KIF7: variants seen among roughly 807,000 people sequenced by gnomAD.
KIF7 encodes the protein kinesin family member 7, also known as kinesin-like protein KIF7.
In KIF7, 104 loss-of-function variants were observed where a neutral mutation model predicts 135.7. The ratio of observed to expected loss-of-function variants is 0.77; its 90% CI spans 0.65 to 0.90. KIF7 has a LOEUF of 0.90. Among genes scored for constraint, KIF7 ranks in the 40% least tolerant of loss-of-function variants. The pLI, the probability that KIF7 is intolerant of heterozygous loss-of-function variation, is 0.00. For synonymous variants in KIF7, 883 were observed against 809.4 expected, an observed-to-expected ratio of 1.09 and a Z score of -1.54; for missense variants, 2,005 against 1,839.1, an observed-to-expected ratio of 1.09 and a Z score of -1.65.
At chr15:89,624,226 G>A (rs1408198588), downstream of KIF7, 1 of 1,613,996 alleles carries the variant, frequency 6.2e-7, no homozygotes, top group East Asian at 2.2e-5. Flanking sequence ...TTCCCCACCT[G>A]TTACGCCAAA....
At chr15:89,623,344 A>G (rs1963456268), downstream of KIF7, among the ~76,000 whole-genome samples, 1 of 152,256 alleles carries the variant, frequency 6.6e-6, no homozygotes, top group Admixed American at 6.5e-5. Flanking sequence ...GAATGATTCC[A>G]TTAGAGGCAA....
the KIF7 span, among the ~76,000 whole-genome samples, chr15:89,661,101 C>G: frequency 6.6e-6 from 1 of 152,208 alleles, no homozygotes; most frequent in Non-Finnish European, 1.5e-5. Flanking sequence ...TGTTATGCAA[C>G]AGTATCATGG....
chr15:89,628,923 C>T, intron 18 of KIF7, 53 bp downstream of exon 18: 7 of 1,613,634 alleles, frequency 4.3e-6, no homozygotes, highest in Non-Finnish European at 3.4e-6. Flanking sequence ...GGTCTCTAAG[C>T]TTTCCCCAAA....
At position 89,652,635 on chromosome 15, in the gene KIF7, C is replaced by T. The variant is rs1465593089; in HGVS notation, c.296G>A (p.Gly99Glu). The change falls in exon 2 of 19, where the codon GGG (glycine) becomes GAG (glutamate). Residue 99 changes from glycine (G) to glutamate (E), a missense_variant. By Grantham distance (98) the Gly-to-Glu change is moderately conservative. Coordinates refer to ENST00000394412, the MANE Select transcript of KIF7 (RefSeq NM_198525.3). ...TVFAYGQTGS[G>E]KTYTMGEASV... ...GGCCTCCCCCATGGTGTATGTCTTC[C>T]CTGAGCCCGTCTGACCATAGGCAAA... 4.5e-6 allele frequency: 7 copies of T among 1,542,816 alleles called. No homozygotes were observed. Among genetic ancestry groups the T allele is most frequent in the Non-Finnish European group, 6.1e-6 (7 of 1,140,158 alleles).
chr15:89,625,511 T>C, downstream of KIF7: 1 of 1,613,760 alleles, frequency 6.2e-7, no homozygotes, highest in South Asian at 1.1e-5. Flanking sequence ...AGGACGCCCA[T>C]CTTGGAGGAT....
In KIF7 at chr15:89,631,529, C is replaced by T. The variant is rs866262325; in HGVS notation, c.3077G>A (p.Gly1026Asp). The change falls in exon 15 of 19, where the codon GGC becomes GAC. Residue 1026 changes from glycine (G) to aspartate (D), a missense_variant. Physicochemically the swap from Gly to Asp is moderately conservative, Grantham distance 94. Transcript: ENST00000394412. ...CAGCAGACTCCCCTGCCTCAGCTTG[C>T]CGTCGATCTCCAGGCGCTGCTTGAG... ...SLLKQRLEID[G>D]KLRQGSLLSP... The T allele has an allele frequency of 6.3e-7, 1 of 1,582,430 alleles. No individual in the cohort carries two copies.
chr15:89,633,812 C>T lies in KIF7; in HGVS notation c.2466G>A (p.Gln822=). The change falls in exon 12 of 19, where the codon CAG becomes CAA. Residue 822 remains glutamine (Q), a synonymous_variant. Transcript: ENST00000394412. The stretch of plus-strand genomic sequence containing the variant: ...TGAGCTGCACGTTCCGCTCGAGCTC[C>T]TGCAGTCGCTTCTCACTCTGGGCCG... ...SLSAQSEKRL[Q]ELERNVQLMR... is the part of the protein sequence containing the mutation. The T allele has an allele frequency of 6.2e-7, 1 of 1,613,102 alleles. No individual in the cohort carries two copies. Among genetic ancestry groups the T allele is most frequent in the East Asian group, 2.2e-5 (1 of 44,878 alleles).
intron 15 of KIF7, 198 bp from the exon 16 acceptor site, chr15:89,630,691 C>A: frequency 1.6e-6 from 1 of 634,178 alleles, no homozygotes; most frequent in Non-Finnish European, 2.8e-6. Flanking sequence ...GGGGGCACTG[C>A]TCAGAGGTGG....
At chr15:89,627,029 C>T, downstream of KIF7, 5 of 1,614,120 alleles carry the variant, frequency 3.1e-6, no homozygotes, top group Non-Finnish European at 4.2e-6. Flanking sequence ...GGAGGCGCCC[C>T]ATCAGCAGAA....
At chr15:89,625,933 T>C (rs760361383), downstream of KIF7, 14 of 1,568,254 alleles carry the variant, frequency 8.9e-6, 1 homozygote, top group South Asian at 1.6e-4. Flanking sequence ...GGGATCTCTT[T>C]AGGCTCCACC....
At chr15:89,626,038 CCT>C (rs2141986974), downstream of KIF7, 1 of 1,613,972 alleles carries the variant, frequency 6.2e-7, no homozygotes, top group East Asian at 2.2e-5. Context: ...AAAACACCTT[CCT>C]CTCAGAGCAA....
Position 89,631,620 on chromosome 15 carries a change from T to G in KIF7, c.2986A>C (p.Ser996Arg). 1 of 1,560,974 alleles carries G rather than the reference T, an allele frequency of 6.4e-7. No individual in the cohort carries two copies. Among genetic ancestry groups the G allele is most frequent in the South Asian group, 1.2e-5 (1 of 85,142 alleles). ...CGGATCTGCTGCTGGCTCTGGGCGCTGCCCTGCCGCAGCTGCCCGCTCTTC... is the reference window on the plus strand; with the variant it reads ...CGGATCTGCTGCTGGCTCTGGGCGCGGCCCTGCCGCAGCTGCCCGCTCTTC... ...SEKSGQLRQG[S>R]AQSQQQIRGE... Residue 996 changes from serine (S) to arginine (R), a missense_variant, in exon 15 of 19, where the codon AGC becomes CGC. Coordinates refer to ENST00000394412, the MANE Select transcript of KIF7 (RefSeq NM_198525.3).
chr15:89,632,823 G>C lies in KIF7; in HGVS notation c.2892C>G (p.Ser964Arg), dbSNP rs779835765. ...TGLESKRLRS[S>R]QALNEDIVRV... Reference sequence around the variant, plus strand: ...ATCTCTCCTGGCAGGGCCTCACCTGGCTGGATCTCAGGCGCTTGCTCTCCA... The same window carrying C: ...ATCTCTCCTGGCAGGGCCTCACCTGCCTGGATCTCAGGCGCTTGCTCTCCA... The change falls in exon 14 of 19, where the codon AGC becomes AGG. Residue 964 changes from serine to arginine, a missense_variant. Coordinates refer to ENST00000394412, the MANE Select transcript of KIF7 (RefSeq NM_198525.3). The C allele has an allele frequency of 1.9e-6, 3 of 1,604,428 alleles. No individual in the cohort carries two copies. The highest frequency in any genetic ancestry group is 3.3e-5 in the Admixed American group (2 of 59,844).
At chr15:89,621,603 C>T in intron 1 of KIF7, 1 of 1,480,836 alleles carries the variant, frequency 6.8e-7, no homozygotes. Flanking sequence ...AACACAGAGA[C>T]ATGGCCAAGG....
At chr15:89,624,733 A>T (rs575254770), downstream of KIF7, 188 of 1,614,162 alleles carry the variant, frequency 1.2e-4, 3 homozygotes, top group South Asian at 2.0e-3. Context: ...ACACCATGGC[A>T]TTGGTGACTT....
rs8030837 is a variant in KIF7, at chr15:89,648,432, G to C, written c.1266C>G (p.Leu422=). 1.7e-3 allele frequency: 1,836 copies of C among 1,111,336 alleles called. 20 individuals are homozygous for C. The African/African-American group carries it at 0.017, about 10-fold the overall frequency. The allele number at this position is 1,111,336 out of a possible 1,614,324, so 68.8% of individuals were successfully genotyped here. A position where few individuals can be genotyped will look rare whatever the true frequency, so the allele number is the denominator to read the frequency against. The change falls in exon 5 of 19, where the codon CTC becomes CTG. Residue 422 remains leucine (L), a synonymous_variant. Transcript: ENST00000394412. ...YRACTDAAYS[L]LRELQAEPGL... ...CGGGCTCGGCCTGCAGCTCGCGCAA[G>C]AGGCTGTAGGCGGCGTCGGTGCAGG...
At chr15:89,624,223 C>G, downstream of KIF7, 1 of 1,614,196 alleles carries the variant, frequency 6.2e-7, no homozygotes, top group Non-Finnish European at 8.5e-7. Flanking sequence ...TTCTTCCCCA[C>G]CTGTTACGCC....
intron 2 of KIF7, among the ~76,000 whole-genome samples, chr15:89,650,730 T>TA (rs941367858): frequency 4.6e-5 from 7 of 152,024 alleles, no homozygotes; most frequent in African/African-American, 1.7e-4. Flanking sequence ...AGGTAGCCAT[T>TA]AAAAAGTTAG....
downstream of KIF7, chr15:89,626,194 C>T (rs578116639): frequency 9.7e-6 from 9 of 930,078 alleles, no homozygotes; most frequent in African/African-American, 6.8e-5. Context: ...GCGCCTACAG[C>T]GTCATGTGTG....
Sources: gnomAD v4.1 joint callset for allele counts (sites outside exome capture counted in the v4.1 genomes callset) on GRCh38, gnomAD v4.1.1 for gene constraint, MANE v1.5 for transcripts, NCBI Gene and HGNC (gene_info 2026-07-23, HGNC 2026-07-21) for gene names.